Variants in ADAMTS5 observed in about 807,000 individuals in gnomAD.
ADAMTS5 encodes the protein A disintegrin and metalloproteinase with thrombospondin motifs 5.
ADAMTS5 carries 54 observed loss-of-function variants against 81.4 expected under a neutral mutation model. The observed-to-expected ratio is 0.66, with a 90% CI of 0.53 to 0.83. The LOEUF (loss-of-function observed/expected upper bound fraction) is 0.83. Ranked by LOEUF, ADAMTS5 falls within the 40% of genes least tolerant of loss-of-function variation. ADAMTS5 has a pLI of 0.00. For synonymous variants in ADAMTS5, 532 were observed against 508.8 expected (o/e 1.05, Z -0.61); for missense variants, 1,194 against 1,229.9 (o/e 0.97, Z 0.44).
At chr21:26,941,417 T>C (rs1987112050) in intron 3 of ADAMTS5, among the ~76,000 whole-genome samples, 1 of 152,108 alleles carries the variant, frequency 6.6e-6, no homozygotes, top group South Asian at 2.1e-4. Context: ...ATAAAATCTT[T>C]AAAAAATCAG....
chr21:26,931,920 T>C, intron 6 of ADAMTS5, 84 bp downstream of exon 6: 1 of 1,385,106 alleles, frequency 7.2e-7, no homozygotes, highest in Non-Finnish European at 9.6e-7. Flanking sequence ...AATAACTGTT[T>C]ACGTCTGGCG....
Position 26,929,901 on chromosome 21 carries a change from G to T in ADAMTS5, c.2210C>A (p.Thr737Asn). ...DNSSCTKIVG[T>N]FNKKSKGYTD... ...ATCATATTACCTTTTCTTATTAAAGGTTCCAACAATCTTTGTACAGCTGGA... is the reference window on the plus strand; with the variant it reads ...ATCATATTACCTTTTCTTATTAAAGTTTCCAACAATCTTTGTACAGCTGGA... The change falls in exon 7 of 8, where the codon ACC becomes AAC. Residue 737 changes from threonine (T) to asparagine (N), a missense_variant. Thr to Asn is a moderately conservative substitution (Grantham distance 65, BLOSUM62 0). Around this residue, in one of 2 missense-constraint regions of ADAMTS5, gnomAD observed 696 missense variants for 817.6 expected, o/e 0.85. Coordinates refer to ENST00000284987, the MANE Select transcript of ADAMTS5 (RefSeq NM_007038.5). 1 of 1,613,592 alleles carries T rather than the reference G, an allele frequency of 6.2e-7. No homozygotes were observed.
At chr21:26,949,136 GATAT>G (rs35477486) in intron 2 of ADAMTS5, among the ~76,000 whole-genome samples, 1 of 145,186 alleles carries the variant, frequency 6.9e-6, no homozygotes, top group African/African-American at 2.5e-5. Flanking sequence ...AGTAATCAGT[GATAT>G]ATATATATAT....
rs1987395510 is a variant in ADAMTS5 at position 26,954,936 on chromosome 21, G to GC, written c.1105-66dup. ...CATCCAGAAGGAGCCGCCACATAGA[G>GC]CCACTTGCTTACCCCAAATGGCAAC... On this transcript the variant is annotated intron_variant, in intron 1 of 7. Transcript: ENST00000284987. 1.9e-6 allele frequency: 3 copies of GC among 1,584,480 alleles called. No homozygotes were observed. The African/African-American group carries it at 4.0e-5, about 21-fold the overall frequency.
In ADAMTS5 at chr21:26,924,568, C is replaced by G. The variant is rs1024212471; in HGVS notation, c.2278G>C (p.Val760Leu). The G allele has an allele frequency of 6.2e-7, 1 of 1,614,004 alleles. No individual in the cohort carries two copies. Among genetic ancestry groups the G allele is most frequent in the Non-Finnish European group, 8.5e-7 (1 of 1,179,976 alleles). ...TGGTCTTTGGCTTTGAACTGTCGAA[C>G]TTTTATGTGGGTTGCCCCTTCAGGA... ...RIPEGATHIK[V>L]RQFKAKDQTR... Residue 760 changes from valine to leucine, a missense_variant, in exon 8 of 8, where the codon GTT becomes CTT. This residue lies in a region of ADAMTS5 where 696 missense variants were observed against 817.6 expected (regional missense o/e 0.85). Transcript: ENST00000284987.
Position 26,966,346 on chromosome 21 carries a change from G to A in ADAMTS5, c.46C>T (p.Pro16Ser). Residue 16 changes from proline (P) to serine (S), a missense_variant, in exon 1 of 8, where the codon CCC becomes TCC. Coordinates refer to ENST00000284987, the MANE Select transcript of ADAMTS5 (RefSeq NM_007038.5). Reference protein sequence around the residue: ...ASLLLCAFRLPLAAVGPAATP... With the variant: ...ASLLLCAFRLSLAAVGPAATP... ...GCGGCGGGGCCGACCGCGGCCAGGG[G>A]CAGGCGGAACGCGCACAGCAGCAGG... The A allele has an allele frequency of 6.7e-7, 1 of 1,503,608 alleles. No homozygotes were observed. The highest frequency in any genetic ancestry group is 8.8e-7 in the Non-Finnish European group (1 of 1,134,838). The allele number at this position is 1,503,608 out of a possible 1,614,324, so 93.1% of individuals were successfully genotyped here.
chr21:26,951,771 T>A (rs1987323538), intron 2 of ADAMTS5, among the ~76,000 whole-genome samples: 1 of 141,172 alleles, frequency 7.1e-6, no homozygotes, highest in Admixed American at 7.3e-5. Flanking sequence ...ATCGAGAGCA[T>A]GGTTAGCTCA....
intron 2 of ADAMTS5, among the ~76,000 whole-genome samples, chr21:26,949,180 C>A (rs936521211): frequency 1.0e-4 from 15 of 146,086 alleles, no homozygotes; most frequent in Non-Finnish European, 2.3e-4. Context: ...ATATATATAT[C>A]ACACATATAT....
intron 2 of ADAMTS5, among the ~76,000 whole-genome samples, chr21:26,954,200 A>G (rs1352004194): frequency 6.6e-6 from 1 of 152,162 alleles, no homozygotes; most frequent in Non-Finnish European, 1.5e-5. Flanking sequence ...TAGGTAAGTG[A>G]CATTTTAAAG....
Position 26,965,981 on chromosome 21 carries a change from G to A in ADAMTS5, c.411C>T (p.Asp137=), listed in dbSNP as rs751691727. ...AGACAGCCAGAGAGCGGGGACTACC[G>A]TCCACTGTGCCCCGATAGAAGCAGT... ...RSHCFYRGTV[D]GSPRSLAVFD... The change falls in exon 1 of 8, where the codon GAC becomes GAT. Residue 137 remains aspartate (D), a synonymous_variant. Coordinates refer to ENST00000284987, the MANE Select transcript of ADAMTS5 (RefSeq NM_007038.5). The A allele has an allele frequency of 6.2e-7, 1 of 1,613,138 alleles. No homozygotes were observed. The highest frequency in any genetic ancestry group is 8.5e-7 in the Non-Finnish European group (1 of 1,179,792).
intron 1 of ADAMTS5, among the ~76,000 whole-genome samples, chr21:26,961,961 A>G (rs1342325431): frequency 1.3e-5 from 2 of 152,218 alleles, no homozygotes. Context: ...ACCCGGTCCC[A>G]GCAATCTAAG....
Position 26,919,798 on chromosome 21 carries a change from G to T in ADAMTS5, c.*4255C>A, listed in dbSNP as rs1447701189. On this transcript the variant is annotated 3_prime_UTR_variant, in exon 8 of 8. Transcript: ENST00000284987. ...TTTCAATGTACTAGCCAGTTAAGTT[G>T]ATCTATCTGTTTGATAACCTAAAAC... is the stretch of plus-strand genomic sequence containing the variant. 1 of 152,022 alleles carries T rather than the reference G, an allele frequency of 6.6e-6. No individual in the cohort carries two copies. The highest frequency in any genetic ancestry group is 1.5e-5 in the Non-Finnish European group (1 of 67,974). The allele number at this position is 152,022 out of a possible 1,614,324, so 9.4% of individuals were successfully genotyped here.
chr21:26,952,634 C>T (rs960665573), intron 2 of ADAMTS5, among the ~76,000 whole-genome samples: 1 of 152,194 alleles, frequency 6.6e-6, no homozygotes, highest in African/African-American at 2.4e-5. Flanking sequence ...AGAAACTGCC[C>T]TTCCTTTAAG....
At position 26,942,508 on chromosome 21, in the gene ADAMTS5, T is replaced by C. The variant is rs144611521; in HGVS notation, c.1405+872A>G. On this transcript the variant is annotated intron_variant, in intron 3 of 7. Transcript: ENST00000284987. ...TGAGAATATGTCCATTTCTGTAACA[T>C]AGGAAATTTCAGCTACATAATGTCT... 1.1e-3 allele frequency among the ~76,000 whole-genome samples: 168 copies of C among 152,250 alleles called. 1 individual carries two copies. Among genetic ancestry groups the C allele is most frequent in the African/African-American group, 3.6e-3 (149 of 41,558 alleles).
chr21:26,955,676 A>T (rs748504273), intron 1 of ADAMTS5, among the ~76,000 whole-genome samples: 1 of 152,198 alleles, frequency 6.6e-6, no homozygotes, highest in Non-Finnish European at 1.5e-5. Flanking sequence ...AAACATAAAG[A>T]GAAAATATAA....
chr21:26,938,658 T>C (rs1987060495), intron 3 of ADAMTS5, among the ~76,000 whole-genome samples: 1 of 152,210 alleles, frequency 6.6e-6, no homozygotes, highest in Non-Finnish European at 1.5e-5. Context: ...GCCTCCTGAG[T>C]AGCTGGGATT....
chr21:26,950,991 G>T (rs1987305944), intron 2 of ADAMTS5, among the ~76,000 whole-genome samples: 1 of 152,096 alleles, frequency 6.6e-6, no homozygotes, highest in Admixed American at 6.5e-5. Flanking sequence ...GAGTAGCTGG[G>T]ACTACAGGCA....
chr21:26,963,486 C>G (rs569335157), intron 1 of ADAMTS5, among the ~76,000 whole-genome samples: 1 of 150,858 alleles, frequency 6.6e-6, no homozygotes, highest in African/African-American at 2.4e-5. Flanking sequence ...AAGTGAACTA[C>G]TAAAATGACC....
In ADAMTS5 at chr21:26,929,910, A is replaced by AT. The variant is rs1342162886; in HGVS notation, c.2200dup (p.Ile734AsnfsTer6). On this transcript the variant is annotated frameshift_variant, in exon 7 of 8. Transcript: ENST00000284987. LOFTEE classifies it high-confidence loss of function. ...CCTTTTCTTATTAAAGGTTCCAACA[A>AT]TCTTTGTACAGCTGGAGTTGTCTCC... The AT allele has an allele frequency of 3.1e-6, 5 of 1,613,928 alleles. No individual in the cohort carries two copies. The highest frequency in any genetic ancestry group is 4.2e-6 in the Non-Finnish European group (5 of 1,179,936).
Sources: gnomAD v4.1 joint callset for allele counts (sites outside exome capture counted in the v4.1 genomes callset) on GRCh38, gnomAD v4.1.1 for gene constraint, gnomAD v4.1.1 regional missense constraint, MANE v1.5 for transcripts, NCBI Gene and HGNC (gene_info 2026-07-23, HGNC 2026-07-21) for gene names.